The following TMTC1 variants were observed in gnomAD, a reference collection of about 807,000 sequenced individuals.
The protein encoded by TMTC1 is protein O-mannosyl-transferase TMTC1.
TMTC1 carries 73 observed loss-of-function variants against 104.8 expected under a neutral mutation model. That is an observed-to-expected ratio of 0.70 (90% confidence interval 0.58 to 0.85). TMTC1 has a LOEUF of 0.85. TMTC1 is among the 40% of genes least tolerant of loss of function. TMTC1 has a pLI of 0.00. For missense variants in TMTC1, 1,035 were observed against 1,096.1 expected (o/e 0.94, Z 0.79); for synonymous variants, 434 against 428.7 (o/e 1.01, Z -0.15).
chr12:29,574,505 G>A (rs1473266036), intron 8 of TMTC1, among the ~76,000 whole-genome samples: 1 of 152,218 alleles, frequency 6.6e-6, no homozygotes, highest in African/African-American at 2.4e-5. Flanking sequence ...CATAGACTGG[G>A]TGGCTTAAAC....
rs538372705 is a variant in TMTC1 at position 29,513,707 on chromosome 12, GTCT to G, written c.2430+772_2430+774del. Among the ~76,000 whole-genome samples, 313 of 152,248 alleles carry G rather than the reference GTCT, an allele frequency of 2.1e-3. 1 individual carries two copies. Among genetic ancestry groups the G allele is most frequent in the African/African-American group, 7.4e-3 (308 of 41,530 alleles). ...TTGTAACATTTCTATTTCTACTTAT[GTCT>G]TCTTGAGTTCAACCTGTGAATAAGT... On this transcript the variant is annotated intron_variant, in intron 16 of 17. Transcript: ENST00000539277.
chr12:29,558,722 C>T (rs1379451427), intron 9 of TMTC1, among the ~76,000 whole-genome samples: 1 of 152,212 alleles, frequency 6.6e-6, no homozygotes, highest in Non-Finnish European at 1.5e-5. Context: ...TCTCTCTGAT[C>T]GCTTTTAATT....
chr12:29,598,287 TC>T (rs1946466614), intron 7 of TMTC1, among the ~76,000 whole-genome samples: 1 of 152,208 alleles, frequency 6.6e-6, no homozygotes, highest in African/African-American at 2.4e-5. Context: ...TGAGAAGGGA[TC>T]CCCAAAATCA....
intron 6 of TMTC1, chr12:29,613,870 A>G: frequency 1.2e-6 from 1 of 822,110 alleles, no homozygotes; most frequent in South Asian, 5.5e-5. Flanking sequence ...TAAGAAAGTG[A>G]CAAAATGTTT....
intron 7 of TMTC1, among the ~76,000 whole-genome samples, chr12:29,598,244 T>A (rs1161409554): frequency 1.3e-5 from 2 of 152,188 alleles, no homozygotes; most frequent in African/African-American, 4.8e-5. Context: ...TTCTAGCAAC[T>A]CCAAAGAAGC....
chr12:29,702,787 A>C (rs1014247382), intron 5 of TMTC1, among the ~76,000 whole-genome samples: 2 of 137,864 alleles, frequency 1.5e-5, no homozygotes, highest in African/African-American at 4.9e-5. Flanking sequence ...GTTCATTGAC[A>C]TAAGAAAAAA....
intron 5 of TMTC1, among the ~76,000 whole-genome samples, chr12:29,697,853 A>T (rs1418661976): frequency 6.6e-6 from 1 of 152,210 alleles, no homozygotes; most frequent in East Asian, 1.9e-4. Flanking sequence ...TTTGTTCAAA[A>T]TTCACTGAGT....
intron 10 of TMTC1, among the ~76,000 whole-genome samples, chr12:29,543,901 G>A (rs1203273140): frequency 6.6e-6 from 1 of 152,098 alleles, no homozygotes; most frequent in Non-Finnish European, 1.5e-5. Flanking sequence ...GAAGCCACGT[G>A]GAACTGTGTG....
At chr12:29,757,644 T>TTAC (rs1469037929) in intron 3 of TMTC1, among the ~76,000 whole-genome samples, 1 of 152,134 alleles carries the variant, frequency 6.6e-6, no homozygotes, top group African/African-American at 2.4e-5. Context: ...CTTTTCCAGG[T>TTAC]TGTATTAGTC....
intron 10 of TMTC1, among the ~76,000 whole-genome samples, chr12:29,554,082 C>G (rs141027595): frequency 1.3e-5 from 2 of 152,196 alleles, no homozygotes; most frequent in South Asian, 2.1e-4. Flanking sequence ...ATAACCAGTA[C>G]GTTATTTGGG....
At chr12:29,713,133 C>A (rs192235064) in intron 5 of TMTC1, among the ~76,000 whole-genome samples, 164 of 152,038 alleles carry the variant, frequency 1.1e-3, no homozygotes, top group African/African-American at 3.7e-3. Context: ...CAGACTGCAA[C>A]GTGGAAATGT....
intron 5 of TMTC1, among the ~76,000 whole-genome samples, chr12:29,651,363 T>C (rs1939510514): frequency 6.6e-6 from 1 of 152,126 alleles, no homozygotes; most frequent in Non-Finnish European, 1.5e-5. Flanking sequence ...GGACTATTAG[T>C]GGGTGGGGCT....
At chr12:29,675,839 T>C (rs1332123506) in intron 5 of TMTC1, among the ~76,000 whole-genome samples, 1 of 152,104 alleles carries the variant, frequency 6.6e-6, no homozygotes, top group African/African-American at 2.4e-5. Context: ...CATTGTTCCA[T>C]GAAAGTAACA....
intron 5 of TMTC1, among the ~76,000 whole-genome samples, chr12:29,643,604 TTATATATA>T (rs1368164499): frequency 5.1e-5 from 2 of 39,594 alleles, no homozygotes; most frequent in African/African-American, 2.5e-4. Context: ...ATATTATATA[TTATATATA>T]ATATATATCT....
chr12:29,520,802 CA>C (rs113588704), intron 11 of TMTC1, 82 bp from the exon 12 acceptor site: 16,705 of 905,142 alleles, frequency 0.018, 149 homozygotes, highest in African/African-American at 0.073. Flanking sequence ...GCAGGAAAAG[CA>C]AAAAAAAAAT....
At chr12:29,637,314 AG>A (rs1938609317) in intron 5 of TMTC1, among the ~76,000 whole-genome samples, 1 of 152,226 alleles carries the variant, frequency 6.6e-6, no homozygotes, top group Admixed American at 6.5e-5. Flanking sequence ...TAATTTCAGA[AG>A]CAAAATAATC....
intron 5 of TMTC1, chr12:29,660,783 T>TAG (rs1397596747): frequency 2.3e-6 from 2 of 865,504 alleles, no homozygotes; most frequent in East Asian, 7.1e-5. Context: ...AAAGTATATA[T>TAG]ATATATATAT....
chr12:29,625,647 G>C (rs922368688), intron 6 of TMTC1, among the ~76,000 whole-genome samples: 1 of 152,186 alleles, frequency 6.6e-6, no homozygotes, highest in African/African-American at 2.4e-5. Flanking sequence ...TGAAAGAAAA[G>C]GATCAACAGC....
At chr12:29,534,460 A>G (rs908950877) in intron 11 of TMTC1, 1 of 152,244 alleles carries the variant, frequency 6.6e-6, no homozygotes, top group Non-Finnish European at 1.5e-5. Context: ...GATCCTAGTC[A>G]TCATTTGTTG....
Sources: gnomAD v4.1 joint callset for allele counts (sites outside exome capture counted in the v4.1 genomes callset) on GRCh38, gnomAD v4.1.1 for gene constraint, MANE v1.5 for transcripts, NCBI Gene and HGNC (gene_info 2026-07-23, HGNC 2026-07-21) for gene names.